The following SORBS2 variants were observed in gnomAD, a reference collection of about 807,000 sequenced individuals.
The protein encoded by SORBS2 is sorbin and SH3 domain-containing protein 2.
A neutral mutation model predicts 97.7 loss-of-function variants in SORBS2; 46 were observed. The observed-to-expected ratio is 0.47, with a 90% CI of 0.37 to 0.60. SORBS2 has a LOEUF of 0.60. Ranked by LOEUF, SORBS2 falls within the 20% of genes least tolerant of loss-of-function variation. The pLI, the probability that SORBS2 is intolerant of heterozygous loss-of-function variation, is 0.00. For missense variants in SORBS2, 1,316 were observed against 1,282.3 expected (o/e 1.03, Z -0.40); for synonymous variants, 476 against 473.4 (o/e 1.01, Z -0.07).
chr4:185,679,274 A>G (rs1026461845), intron 2 of SORBS2, among the ~76,000 whole-genome samples: 13 of 151,922 alleles, frequency 8.6e-5, no homozygotes, highest in African/African-American at 3.1e-4. Context: ...ATTTTTTTTT[A>G]CCTTAAGAAA....
chr4:185,928,125 G>A (rs1165084773), intron 1 of SORBS2, among the ~76,000 whole-genome samples: 2 of 152,064 alleles, frequency 1.3e-5, no homozygotes, highest in Admixed American at 1.3e-4. Flanking sequence ...AATATTTCTG[G>A]CTGGGGGCAG....
intron 2 of SORBS2, among the ~76,000 whole-genome samples, chr4:185,700,148 T>A (rs1015118275): frequency 5.3e-5 from 8 of 152,228 alleles, no homozygotes; most frequent in African/African-American, 1.9e-4. Context: ...AGAGACTGGC[T>A]TTTCAAAAAT....
Position 185,899,493 on chromosome 4 carries a change from G to A in SORBS2, c.-338+56703C>T, listed in dbSNP as rs910854674. Among the ~76,000 whole-genome samples, 9 of 152,086 alleles carry A rather than the reference G, an allele frequency of 5.9e-5. No homozygotes were observed. The South Asian group carries it at 6.2e-4, about 11-fold the overall frequency. On this transcript the variant is annotated intron_variant, in intron 1 of 20. Coordinates refer to the SORBS2 transcript ENST00000284776. ...TTCACCCAGGGTGGAATGCGGTGGCGTGATCATGGATCCCTGCAGCCTCCT... is the reference window on the plus strand; with the variant it reads ...TTCACCCAGGGTGGAATGCGGTGGCATGATCATGGATCCCTGCAGCCTCCT...
chr4:185,734,151 C>T (rs13142871), intron 2 of SORBS2: 1 of 152,394 alleles, frequency 6.6e-6, no homozygotes, highest in African/African-American at 2.4e-5. Context: ...GTCCTATTCT[C>T]GCTCTAGAAA....
At chr4:185,811,283 T>A (rs2099182751) in intron 1 of SORBS2, among the ~76,000 whole-genome samples, 2 of 152,254 alleles carry the variant, frequency 1.3e-5, no homozygotes, top group Admixed American at 1.3e-4. Context: ...TCTCATGTAG[T>A]TCTTTTTCAT....
At chr4:185,671,086 C>G (rs1172665695) in intron 4 of SORBS2, among the ~76,000 whole-genome samples, 1 of 152,120 alleles carries the variant, frequency 6.6e-6, no homozygotes, top group East Asian at 1.9e-4. Flanking sequence ...GGCCATTGCC[C>G]CGTTTCCCTA....
intron 1 of SORBS2, among the ~76,000 whole-genome samples, chr4:185,925,378 C>A (rs983982710): frequency 8.6e-5 from 13 of 151,794 alleles, no homozygotes; most frequent in Non-Finnish European, 1.9e-4. Flanking sequence ...ATAATTAGTG[C>A]AAGAAAGGGA....
chr4:185,760,638 T>C (rs368903214), intron 2 of SORBS2, among the ~76,000 whole-genome samples: 111 of 152,336 alleles, frequency 7.3e-4, no homozygotes, highest in African/African-American at 2.5e-3. Context: ...GGCTTTGGGA[T>C]GCAGCAGCAT....
chr4:185,915,070 G>A (rs2099257346), intron 1 of SORBS2, among the ~76,000 whole-genome samples: 1 of 152,174 alleles, frequency 6.6e-6, no homozygotes, highest in East Asian at 1.9e-4. Flanking sequence ...GAAAACAAAA[G>A]GCTTTCATCT....
intron 4 of SORBS2, among the ~76,000 whole-genome samples, chr4:185,640,563 T>G (rs1272503916): frequency 6.6e-6 from 1 of 152,224 alleles, no homozygotes; most frequent in Admixed American, 6.5e-5. Flanking sequence ...ATAGTGAAAT[T>G]GGTAGAGACA....
chr4:185,636,811 A>G (rs1314833111), intron 4 of SORBS2, among the ~76,000 whole-genome samples: 3 of 151,976 alleles, frequency 2.0e-5, no homozygotes, highest in African/African-American at 7.3e-5. Flanking sequence ...ACCATGCCCA[A>G]CTAATGTTTG....
chr4:185,593,007 G>A (rs781041247), intron 13 of SORBS2: 2 of 152,276 alleles, frequency 1.3e-5, no homozygotes, highest in Admixed American at 1.3e-4. Context: ...GGACTTGATG[G>A]TGATAAAGGC....
chr4:185,712,636 G>T (rs1452625600), intron 2 of SORBS2, among the ~76,000 whole-genome samples: 1 of 152,218 alleles, frequency 6.6e-6, no homozygotes, highest in Non-Finnish European at 1.5e-5. Context: ...ACGCCCTCTG[G>T]GGCTTTGGGA....
intron 2 of SORBS2, among the ~76,000 whole-genome samples, chr4:185,768,238 C>G (rs1324617486): frequency 6.6e-6 from 1 of 152,168 alleles, no homozygotes; most frequent in East Asian, 1.9e-4. Flanking sequence ...GGCTTGGTAA[C>G]AGAATCCCAT....
intron 1 of SORBS2, among the ~76,000 whole-genome samples, chr4:185,801,026 C>T (rs1028670487): frequency 6.6e-5 from 10 of 152,200 alleles, no homozygotes; most frequent in Non-Finnish European, 1.0e-4. Context: ...AAAGTCTGTG[C>T]CCTTTGACCT....
At chr4:185,731,866 CTA>C (rs544211866) in intron 2 of SORBS2, among the ~76,000 whole-genome samples, 79 of 24,626 alleles carry the variant, frequency 3.2e-3, no homozygotes, top group African/African-American at 4.4e-3. Flanking sequence ...CTCTCTCTCT[CTA>C]TATATATATA....
chr4:185,837,721 C>T (rs1317134361), intron 1 of SORBS2, among the ~76,000 whole-genome samples: 1 of 151,946 alleles, frequency 6.6e-6, no homozygotes, highest in Non-Finnish European at 1.5e-5. Context: ...AGCCTATAAT[C>T]TCTATGTAGT....
intron 1 of SORBS2, among the ~76,000 whole-genome samples, chr4:185,873,174 A>G (rs577246805): frequency 6.6e-6 from 1 of 152,340 alleles, no homozygotes; most frequent in East Asian, 1.9e-4. Flanking sequence ...ACTCCTCCCC[A>G]TATAGAATTC....
In SORBS2 at chr4:185,623,201, C is replaced by T; in HGVS notation, c.1928G>A (p.Cys643Tyr). 2.5e-6 allele frequency: 4 copies of T among 1,614,078 alleles called. No homozygotes were observed. Among genetic ancestry groups the T allele is most frequent in the Non-Finnish European group, 3.4e-6 (4 of 1,180,016 alleles). Residue 643 changes from cysteine (C) to tyrosine (Y), a missense_variant, in exon 7 of 15, where the codon TGT (cysteine) becomes TAT (tyrosine). Coordinates refer to ENST00000418609, the Ensembl canonical transcript of SORBS2. This position sits in a 1 kb window ranked among gnomAD's most constrained non-coding sequence, Gnocchi z 6.4. ...TTTCTTTTCAGCTTTAATTTGGTCA[C>T]AGATGTCTTTAAGGGCAGAGTCCAG...
Sources: gnomAD v4.1 joint callset for allele counts (sites outside exome capture counted in the v4.1 genomes callset) on GRCh38, gnomAD v4.1.1 for gene constraint, Gnocchi (gnomAD v3.1) non-coding constraint, MANE v1.5 for transcripts, NCBI Gene and HGNC (gene_info 2026-07-23, HGNC 2026-07-21) for gene names.